OLFM1: variants seen among roughly 807,000 people sequenced by gnomAD.
OLFM1 encodes noelin.
Under a neutral mutation model 49.7 loss-of-function variants are expected in OLFM1, and 9 were observed. That is an observed-to-expected ratio of 0.18 (90% confidence interval 0.11 to 0.32). The LOEUF (loss-of-function observed/expected upper bound fraction) is 0.32. Ranked by LOEUF, OLFM1 falls within the 10% of genes least tolerant of loss-of-function variation. The probability of loss-of-function intolerance (pLI) is 1.00; values close to 1 mark genes in which losing one functional copy is unlikely to be tolerated. For missense variants in OLFM1, 369 were observed against 661.8 expected (o/e 0.56, Z 4.85); for synonymous variants, 240 against 271.8 (o/e 0.88, Z 1.15).
intron 4 of OLFM1, among the ~76,000 whole-genome samples, chr9:135,100,816 C>G (rs938140097): frequency 6.6e-6 from 1 of 152,152 alleles, no homozygotes; most frequent in Non-Finnish European, 1.5e-5. Context: ...ATCCTGAGCT[C>G]AGCACTGTGC....
At chr9:135,097,887 C>A in intron 3 of OLFM1, 1 of 1,582,726 alleles carries the variant, frequency 6.3e-7, no homozygotes, top group Admixed American at 1.8e-5. Flanking sequence ...TGCATTTTTA[C>A]TATTATTTTC....
rs542735105 is a variant in OLFM1, at chr9:135,108,432, G to C, written c.783+1577G>C. ...GCGGATCACCTGAAGTCAGGAGTTT[G>C]AGACCATCCTGGCCAACAAGGTGAA... On this transcript the variant is annotated intron_variant, in intron 5 of 5. Transcript: ENST00000371793. 2.0e-5 allele frequency among the ~76,000 whole-genome samples: 3 copies of C among 152,180 alleles called. No individual in the cohort carries two copies. The South Asian group carries it at 6.2e-4, about 32-fold the overall frequency.
Position 135,088,239 on chromosome 9 carries a change from C to A in OLFM1, c.150+100C>A. The stretch of plus-strand genomic sequence containing the variant: ...GGGCTGGGCGGGCGCCGCGCGGGAC[C>A]CGAGTCGCCCAGGGAGGCGGCGGGG... On this transcript the variant is annotated intron_variant, in intron 1 of 5. Transcript: ENST00000371793. The surrounding 1 kb of genome is among the most constrained non-coding windows in gnomAD (Gnocchi z 4.8). The A allele has an allele frequency of 8.9e-7, 1 of 1,120,394 alleles. No individual in the cohort carries two copies. Among genetic ancestry groups the A allele is most frequent in the African/African-American group, 1.6e-5 (1 of 61,358 alleles). The allele number at this position is 1,120,394 out of a possible 1,614,324, so 69.4% of individuals were successfully genotyped here. A position where few individuals can be genotyped will look rare whatever the true frequency, so the allele number is the denominator to read the frequency against.
chr9:135,091,705 A>ACACACAGT lies in OLFM1; in HGVS notation c.300+1362_300+1363insACACAGTC, dbSNP rs1554752855. Among the ~76,000 whole-genome samples the ACACACAGT allele has an allele frequency of 1.1e-3, 56 of 51,720 alleles. 2 individuals are homozygous for ACACACAGT. Among genetic ancestry groups the ACACACAGT allele is most frequent in the South Asian group, 1.7e-3 (3 of 1,776 alleles). The allele number at this position is 51,720 out of a possible 152,430, so 33.9% of individuals were successfully genotyped here. A position where few individuals can be genotyped will look rare whatever the true frequency, so the allele number is the denominator to read the frequency against. On this transcript the variant is annotated intron_variant, in intron 2 of 5. Coordinates refer to ENST00000371793, the MANE Select transcript of OLFM1 (RefSeq NM_001282611.2). ...CATAGTCTCACACACACACAGTCAC[A>ACACACAGT]CTCACACATAGTCACACACTCATAG...
At chr9:135,076,843 G>A in intron 1 of OLFM1, 1 of 1,549,694 alleles carries the variant, frequency 6.5e-7, no homozygotes. Flanking sequence ...GAGAAGATGG[G>A]AGGGCCAGAG....
At chr9:135,090,374 ATGTG>A in intron 2 of OLFM1, 30 bp downstream of exon 2, 1 of 1,355,432 alleles carries the variant, frequency 7.4e-7, no homozygotes, top group Non-Finnish European at 1.0e-6. Flanking sequence ...GTGAGTTTGT[ATGTG>A]TGTGTGTTTG....
At chr9:135,091,449 A>G (rs1265635350) in intron 2 of OLFM1, among the ~76,000 whole-genome samples, 1 of 150,958 alleles carries the variant, frequency 6.6e-6, no homozygotes, top group Non-Finnish European at 1.5e-5. Context: ...ACACATAGTC[A>G]CACACACACT....
intron 5 of OLFM1, 134 bp downstream of exon 5, chr9:135,106,989 G>A (rs905396389): frequency 1.3e-5 from 9 of 680,996 alleles, no homozygotes; most frequent in Admixed American, 2.8e-5. Context: ...GCCTGGGGGC[G>A]TTTGTTCCTG....
chr9:135,105,360 G>A lies in OLFM1; in HGVS notation c.677-1389G>A, dbSNP rs551989338. On this transcript the variant is annotated intron_variant, in intron 4 of 5. Coordinates refer to ENST00000371793, the MANE Select transcript of OLFM1 (RefSeq NM_001282611.2). ...TTTTTCTGTGGGCAGTGGGCTCCTC[G>A]TCCCTCTGAAAGCCCTGGTGCCCGG... Among the ~76,000 whole-genome samples, 12 of 152,324 alleles carry A rather than the reference G, an allele frequency of 7.9e-5. No homozygotes were observed. The South Asian group carries it at 1.2e-3, about 16-fold the overall frequency.
At chr9:135,109,401 G>A (rs1244282497) in intron 5 of OLFM1, among the ~76,000 whole-genome samples, 2 of 152,106 alleles carry the variant, frequency 1.3e-5, no homozygotes, top group Non-Finnish European at 2.9e-5. Flanking sequence ...TGACTGGATC[G>A]CCCTCCAGGA....
At chr9:135,106,348 G>A (rs1395128035) in intron 4 of OLFM1, 1 of 193,134 alleles carries the variant, frequency 5.2e-6, no homozygotes, top group African/African-American at 2.4e-5. Context: ...TAATGCCCTT[G>A]GGGGTGGAGC....
chr9:135,106,436 C>T (rs1830944556), intron 4 of OLFM1: 2 of 349,342 alleles, frequency 5.7e-6, no homozygotes, highest in Non-Finnish European at 1.1e-5. Flanking sequence ...GCTGCTCCAG[C>T]ACCCCCATCC....
intron 5 of OLFM1, among the ~76,000 whole-genome samples, chr9:135,118,220 G>C (rs1212908923): frequency 6.6e-6 from 1 of 152,072 alleles, no homozygotes; most frequent in Non-Finnish European, 1.5e-5. Flanking sequence ...CTTTGGAAGT[G>C]CTCACTGGGT....
chr9:135,076,532 A>C, intron 1 of OLFM1: 1 of 1,219,776 alleles, frequency 8.2e-7, no homozygotes, highest in Non-Finnish European at 1.1e-6. Context: ...TGGAGCTGGC[A>C]GGTCTTGGGG....
chr9:135,096,330 T>G (rs1006070362), intron 3 of OLFM1, among the ~76,000 whole-genome samples: 1 of 149,728 alleles, frequency 6.7e-6, no homozygotes, highest in Non-Finnish European at 1.5e-5. Flanking sequence ...CTTCTTCTCC[T>G]CCTCTTCCTC....
upstream of OLFM1, among the ~76,000 whole-genome samples, chr9:135,084,980 G>C (rs1830579355): frequency 6.6e-6 from 1 of 152,196 alleles, no homozygotes; most frequent in African/African-American, 2.4e-5. This position sits in a 1 kb window ranked among gnomAD's most constrained non-coding sequence, Gnocchi z 4.6. Flanking sequence ...CCTCTTGTAA[G>C]GTCTATAGCA....
At chr9:135,096,596 C>T (rs1830801849) in intron 3 of OLFM1, among the ~76,000 whole-genome samples, 1 of 152,230 alleles carries the variant, frequency 6.6e-6, no homozygotes, top group African/African-American at 2.4e-5. Context: ...GGTTTGGAAG[C>T]CAGGGGTCTG....
chr9:135,096,044 CT>C, intron 3 of OLFM1, 25 bp downstream of exon 3: 1 of 1,295,186 alleles, frequency 7.7e-7, no homozygotes, highest in Middle Eastern at 2.1e-4. Context: ...CCCCCTCTCC[CT>C]CCCCTTATCC....
chr9:135,076,296 T>G lies in OLFM1; in HGVS notation c.96+494T>G, dbSNP rs1588198282. On this transcript the variant is annotated intron_variant, in intron 1 of 5. Transcript: ENST00000252854. ...AAACAGGCGGTGGGGATTGTGCCGC[T>G]GAGACCTGGAAGGGCAGCCAGCGTG... 1.9e-6 allele frequency: 3 copies of G among 1,550,428 alleles called. No individual in the cohort carries two copies. In the East Asian group the frequency reaches 7.3e-5, roughly 38 times the overall value.
Sources: allele counts gnomAD v4.1 joint callset (sites outside exome capture counted in the v4.1 genomes callset), GRCh38; gene constraint gnomAD v4.1.1; non-coding constraint Gnocchi (gnomAD v3.1); transcripts MANE v1.5; gene names NCBI Gene and HGNC (gene_info 2026-07-23, HGNC 2026-07-21).